The following FGF13 variants were observed in gnomAD, a reference collection of about 807,000 sequenced individuals.
The protein encoded by FGF13 is fibroblast growth factor 13.
In FGF13, 2 loss-of-function variants were observed where a neutral mutation model predicts 19.5. That is an observed-to-expected ratio of 0.10 (90% CI 0.04 to 0.32). The LOEUF is 0.32. Among genes scored for constraint, FGF13 ranks in the 10% least tolerant of loss-of-function variants. The pLI, the probability that FGF13 is intolerant of heterozygous loss-of-function variation, is 1.00. For missense variants in FGF13, 113 were observed against 192.7 expected, an observed-to-expected ratio of 0.59 and a Z score of 2.45; for synonymous variants, 72 against 76.9, an observed-to-expected ratio of 0.94 and a Z score of 0.33.
chrX:139,155,518 G>A (rs889366764), intron 1 of FGF13, among the ~76,000 whole-genome samples: 1 of 111,947 alleles, frequency 8.9e-6, no homozygotes, highest in East Asian at 2.8e-4. Flanking sequence ...GACAGGTGGA[G>A]GGATACAACT....
At chrX:138,658,368 C>T (rs1404000601) in intron 3 of FGF13, among the ~76,000 whole-genome samples, 5 of 111,999 alleles carry the variant, frequency 4.5e-5, no homozygotes, top group Admixed American at 3.8e-4. Flanking sequence ...AGAAACTAAT[C>T]CTTAAAACCT....
At chrX:138,994,496 T>C (rs1433955269) in intron 1 of FGF13, among the ~76,000 whole-genome samples, 1 of 111,790 alleles carries the variant, frequency 8.9e-6, no homozygotes, top group Non-Finnish European at 1.9e-5. Flanking sequence ...TAAAAATAAA[T>C]ACATTTTAAA....
At chrX:138,807,672 C>A (rs1455613803) in intron 3 of FGF13, among the ~76,000 whole-genome samples, 1 of 111,616 alleles carries the variant, frequency 9.0e-6, no homozygotes, top group African/African-American at 3.3e-5. Context: ...AGTCAAGACC[C>A]ATCAGTGTGC....
chrX:138,717,849 G>A (rs1198024127), intron 1 of FGF13, among the ~76,000 whole-genome samples: 2 of 111,197 alleles, frequency 1.8e-5, no homozygotes, highest in African/African-American at 6.6e-5. Flanking sequence ...CTGGCTTCAA[G>A]TGATCCTCCC....
chrX:138,993,562 T>C (rs747550910), intron 1 of FGF13, among the ~76,000 whole-genome samples: 1 of 111,665 alleles, frequency 9.0e-6, no homozygotes, highest in East Asian at 2.8e-4. Context: ...AAACCTAAAC[T>C]CTAGCTATTG....
At chrX:139,007,497 G>T (rs1293362884) in intron 1 of FGF13, among the ~76,000 whole-genome samples, 1 of 111,853 alleles carries the variant, frequency 8.9e-6, no homozygotes, top group African/African-American at 3.3e-5. Flanking sequence ...AGACCAAATG[G>T]GCCTAATAGA....
rs771239710 is a variant in FGF13 at position 138,617,005 on chromosome X, C to T, written c.*15845G>A. On this transcript the variant is annotated 3_prime_UTR_variant, in exon 5 of 5. Coordinates refer to ENST00000315930, the MANE Select transcript of FGF13 (RefSeq NM_004114.5). ...GGCCCACTAAACCATTTTTTTCCTT[C>T]AAGGCCTCCTGGCCTATAATGGGAG... 8.9e-6 allele frequency: 1 copy of T among 111,955 alleles called. No individual in the cohort carries two copies. Among genetic ancestry groups the T allele is most frequent in the African/African-American group, 3.2e-5 (1 of 30,845 alleles). 9.2% of individuals were successfully genotyped at this position (111,955 alleles called of 1,213,427 possible). A position where few individuals can be genotyped will look rare whatever the true frequency, so the allele number is the denominator to read the frequency against.
At position 138,899,132 on chromosome X, in the gene FGF13, C is replaced by T. The variant is rs532204308; in HGVS notation, c.-112-34482G>A. The stretch of plus-strand genomic sequence containing the variant: ...CTTTTATTTAGTCTTTTATTCAAGG[C>T]TAAGTCAGTTGCTGCTTTGGCTTGC... On this transcript the variant is annotated intron_variant, in intron 1 of 2. Coordinates refer to the FGF13 transcript ENST00000421460. Among the ~76,000 whole-genome samples the T allele has an allele frequency of 5.6e-4, 62 of 111,384 alleles. No individual in the cohort carries two copies. The South Asian group carries it at 9.1e-3, about 16-fold the overall frequency.
At chrX:138,900,505 A>T (rs1187384005) in intron 1 of FGF13, among the ~76,000 whole-genome samples, 2 of 110,966 alleles carry the variant, frequency 1.8e-5, no homozygotes, top group Non-Finnish European at 3.8e-5. Context: ...ACAGGTCCCA[A>T]ATCTGATCAC....
In FGF13 at chrX:138,631,124, A is replaced by G. The variant is rs1381262233; in HGVS notation, c.*1726T>C. 8.9e-6 allele frequency: 1 copy of G among 112,350 alleles called. No individual in the cohort carries two copies. Among genetic ancestry groups the G allele is most frequent in the Non-Finnish European group, 1.9e-5 (1 of 53,317 alleles). The allele number at this position is 112,350 out of a possible 1,213,427, so 9.3% of individuals were successfully genotyped here. A position where few individuals can be genotyped will look rare whatever the true frequency, so the allele number is the denominator to read the frequency against. ...TGTAAGTCAGAGACCATCTGTATTGACTGTTCTCAAAGTGTTCATTGCCAG... is the reference window on the plus strand; with the variant it reads ...TGTAAGTCAGAGACCATCTGTATTGGCTGTTCTCAAAGTGTTCATTGCCAG... On this transcript the variant is annotated 3_prime_UTR_variant, in exon 5 of 5. Transcript: ENST00000315930.
At chrX:139,029,190 A>T (rs996622115) in intron 1 of FGF13, among the ~76,000 whole-genome samples, 6 of 111,786 alleles carry the variant, frequency 5.4e-5, no homozygotes, top group African/African-American at 1.9e-4. Flanking sequence ...GATTATTTCG[A>T]ATTGAAAACA....
chrX:139,145,942 T>A lies in FGF13; in HGVS notation c.-113+57474A>T, dbSNP rs752997284. 4.5e-5 allele frequency among the ~76,000 whole-genome samples: 5 copies of A among 111,679 alleles called. No homozygotes were observed. In the South Asian group the frequency reaches 1.9e-3, roughly 42 times the overall value. On this transcript the variant is annotated intron_variant, in intron 1 of 2. Transcript: ENST00000421460. ...GACACTAAAAAAGGGATCCAACCTTTCCTTACACCTTATACAAAAATTAAT... is the reference window on the plus strand; with the variant it reads ...GACACTAAAAAAGGGATCCAACCTTACCTTACACCTTATACAAAAATTAAT...
chrX:138,853,801 C>A (rs1053738289), downstream of FGF13, among the ~76,000 whole-genome samples: 6 of 111,488 alleles, frequency 5.4e-5, no homozygotes, highest in Non-Finnish European at 1.1e-4. Flanking sequence ...AAAGCAAACA[C>A]TGGGAATCCA....
chrX:138,872,086 C>T (rs1450263398), intron 1 of FGF13, among the ~76,000 whole-genome samples: 1 of 111,922 alleles, frequency 8.9e-6, no homozygotes, highest in African/African-American at 3.3e-5. Flanking sequence ...GGACCAGTGG[C>T]AGTTGTGTAG....
chrX:138,620,582 T>C lies in FGF13; in HGVS notation c.*12268A>G, dbSNP rs913129259. On this transcript the variant is annotated 3_prime_UTR_variant, in exon 5 of 5. Transcript: ENST00000315930. ...AGAGGAAGAAAGAAACAAAAAAACT[T>C]ACAAAACAGCTGAAAAACATTTAAC... The C allele has an allele frequency of 7.2e-5, 8 of 111,472 alleles. No homozygotes were observed. Among genetic ancestry groups the C allele is most frequent in the Non-Finnish European group, 1.3e-4 (7 of 53,061 alleles). 9.2% of individuals were successfully genotyped at this position (111,472 alleles called of 1,213,427 possible).
intron 1 of FGF13, among the ~76,000 whole-genome samples, chrX:138,943,671 A>T (rs1236581205): frequency 6.3e-5 from 7 of 111,961 alleles, no homozygotes; most frequent in Admixed American, 2.8e-4. Context: ...CTGAGAATGA[A>T]CTATCCTGGA....
chrX:138,787,934 A>T (rs2090707236), intron 3 of FGF13, among the ~76,000 whole-genome samples: 1 of 111,855 alleles, frequency 8.9e-6, no homozygotes, highest in African/African-American at 3.3e-5. Context: ...TTTTGGGAGG[A>T]TGAAAACATT....
At chrX:138,905,406 T>C (rs936901170) in intron 1 of FGF13, among the ~76,000 whole-genome samples, 20 of 112,156 alleles carry the variant, frequency 1.8e-4, no homozygotes, top group African/African-American at 6.5e-4. Flanking sequence ...TATTGCCATG[T>C]GGATAAACTA....
rs757407844 is a variant in FGF13 at position 138,982,722 on chromosome X, C to A, written c.-112-118072G>T. 3.6e-5 allele frequency among the ~76,000 whole-genome samples: 4 copies of A among 111,910 alleles called. No homozygotes were observed. In the South Asian group the frequency reaches 1.5e-3, roughly 42 times the overall value. ...CACAAACTGGAGTGGGAAAAGTACG[C>A]CCAAGGAATCAGAAGGCCAAGGTTC... On this transcript the variant is annotated intron_variant, in intron 1 of 2. Coordinates refer to the FGF13 transcript ENST00000421460.
Sources: gnomAD v4.1 joint callset for allele counts (sites outside exome capture counted in the v4.1 genomes callset) on GRCh38, gnomAD v4.1.1 for gene constraint, MANE v1.5 for transcripts, NCBI Gene and HGNC (gene_info 2026-07-23, HGNC 2026-07-21) for gene names.